Variants in SRF observed in about 807,000 individuals in gnomAD.
SRF encodes serum response factor, also known as c-fos serum response element-binding transcription factor.
SRF carries 7 observed loss-of-function variants against 37.1 expected under a neutral mutation model. The observed-to-expected ratio is 0.19, with a 90% CI of 0.11 to 0.35. The LOEUF (loss-of-function observed/expected upper bound fraction) is 0.35, where lower values mean the gene tolerates loss of function less well. SRF is among the 10% of genes least tolerant of loss of function. SRF has a pLI of 1.00. For synonymous variants in SRF, 285 were observed against 310.1 expected, an observed-to-expected ratio of 0.92 and a Z score of 0.85; for missense variants, 395 against 694.4, an observed-to-expected ratio of 0.57 and a Z score of 4.85.
intron 4 of SRF, among the ~76,000 whole-genome samples, chr6:43,177,651 C>T (rs1772228934): frequency 6.6e-6 from 1 of 151,080 alleles, no homozygotes; most frequent in South Asian, 2.1e-4. Context: ...TGCGGTGGCT[C>T]ACGTCTGTAA....
At position 43,174,740 on chromosome 6, in the gene SRF, C is replaced by G. The variant is rs771607803; in HGVS notation, c.780+627C>G. Among the ~76,000 whole-genome samples, 10 of 152,340 alleles carry G rather than the reference C, an allele frequency of 6.6e-5. No individual in the cohort carries two copies. The East Asian group carries it at 1.5e-3, about 24-fold the overall frequency. ...TAACTGACTGGCCAATGGGAGGAAGCGGCACTGTTTGCCTTAGCAACGCCT... is the reference window on the plus strand; with the variant it reads ...TAACTGACTGGCCAATGGGAGGAAGGGGCACTGTTTGCCTTAGCAACGCCT... On this transcript the variant is annotated intron_variant, in intron 2 of 6. Transcript: ENST00000265354.
chr6:43,171,501 G>A lies in SRF; in HGVS notation c.-156G>A, dbSNP rs1413685595. ...AAAGTGAGGGCCCAGGTCGGCCCGG[G>A]CGTGCAGGGGCCCCGGGTTCGCAGC... On this transcript the variant is annotated 5_prime_UTR_variant, in exon 1 of 7. Transcript: ENST00000265354. The surrounding 1 kb of genome is among the most constrained non-coding windows in gnomAD (Gnocchi z 6.5). The A allele has an allele frequency of 7.6e-6, 6 of 791,170 alleles. No individual in the cohort carries two copies. The highest frequency in any genetic ancestry group is 4.8e-5 in the Admixed American group (1 of 20,956). The allele number at this position is 791,170 out of a possible 1,614,324, so 49.0% of individuals were successfully genotyped here.
Position 43,178,893 on chromosome 6 carries a change from A to T in SRF, c.1431+11A>T, listed in dbSNP as rs766686839. The T allele has an allele frequency of 6.8e-6, 11 of 1,613,732 alleles. No individual in the cohort carries two copies. The highest frequency in any genetic ancestry group is 1.6e-4 in the Middle Eastern group (1 of 6,084). On this transcript the variant is annotated intron_variant, in intron 6 of 6. Transcript: ENST00000265354. This position sits in a 1 kb window ranked among gnomAD's most constrained non-coding sequence, Gnocchi z 4.3. ...GTTCAGCTCCACCAGGTAGGTAGGG[A>T]TATCTTTCACCCCATCCCAGATAGC...
chr6:43,172,390 A>C lies in SRF; in HGVS notation c.513+221A>C. The C allele has an allele frequency of 1.0e-6, 1 of 985,228 alleles. No homozygotes were observed. The highest frequency in any genetic ancestry group is 1.2e-6 in the Non-Finnish European group (1 of 829,872). 61.0% of individuals were successfully genotyped at this position (985,228 alleles called of 1,614,324 possible). ...CCCGCGAACGCTCGCAACCGTGGGG[A>C]AAGGCGCAGAGGTGGGAGTGACCGG... On this transcript the variant is annotated intron_variant, in intron 1 of 6. Transcript: ENST00000265354. This position sits in a 1 kb window ranked among gnomAD's most constrained non-coding sequence, Gnocchi z 5.7.
chr6:43,178,967 C>T lies in SRF; in HGVS notation c.1431+85C>T, dbSNP rs1772254848. ...GGATCCTGTTACCAGTTCATCAAAG[C>T]CAAAATCCCTAGCCTGGAAGCCCAT... On this transcript the variant is annotated intron_variant, in intron 6 of 6. Transcript: ENST00000265354. This position sits in a 1 kb window ranked among gnomAD's most constrained non-coding sequence, Gnocchi z 4.3. The T allele has an allele frequency of 6.4e-7, 1 of 1,571,526 alleles. No individual in the cohort carries two copies. The highest frequency in any genetic ancestry group is 2.2e-5 in the East Asian group (1 of 44,604).
rs1018851094 is a variant in SRF, at chr6:43,172,288, G to T, written c.513+119G>T. 8.9e-6 allele frequency: 13 copies of T among 1,458,892 alleles called. No homozygotes were observed. Among genetic ancestry groups the T allele is most frequent in the African/African-American group, 1.4e-5 (1 of 69,348 alleles). 90.4% of individuals were successfully genotyped at this position (1,458,892 alleles called of 1,614,324 possible). A position where few individuals can be genotyped will look rare whatever the true frequency, so the allele number is the denominator to read the frequency against. On this transcript the variant is annotated intron_variant, in intron 1 of 6. Transcript: ENST00000265354. This position sits in a 1 kb window ranked among gnomAD's most constrained non-coding sequence, Gnocchi z 5.7. ...GAGAGGCTGCGAGTCCGCAGGAGGT[G>T]TGTGGGAGGGGATGGCTCCTGCCCG...
Position 43,179,663 on chromosome 6 carries a change from AG to A in SRF, c.*478del. The stretch of plus-strand genomic sequence containing the variant: ...CAAAAGAGCCCTGGCTCTGCCCCTC[AG>A]GGGGCCAGCTGGGGAGATGGGGGCT... On this transcript the variant is annotated 3_prime_UTR_variant, in exon 7 of 7. Transcript: ENST00000265354. This position sits in a 1 kb window ranked among gnomAD's most constrained non-coding sequence, Gnocchi z 5.3. The A allele has an allele frequency of 5.5e-6, 1 of 183,428 alleles. No individual in the cohort carries two copies. The highest frequency in any genetic ancestry group is 1.2e-5 in the Non-Finnish European group (1 of 85,346). 11.4% of individuals were successfully genotyped at this position (183,428 alleles called of 1,614,324 possible). A position where few individuals can be genotyped will look rare whatever the true frequency, so the allele number is the denominator to read the frequency against.
Position 43,171,477 on chromosome 6 carries a change from A to C in SRF, c.-180A>C. 1.8e-6 allele frequency: 1 copy of C among 544,716 alleles called. No individual in the cohort carries two copies. 33.7% of individuals were successfully genotyped at this position (544,716 alleles called of 1,614,324 possible). A position where few individuals can be genotyped will look rare whatever the true frequency, so the allele number is the denominator to read the frequency against. Reference sequence around the variant, plus strand: ...GGCAACCCGGGCCACAGGGGCAGGAAAGTGAGGGCCCAGGTCGGCCCGGGC... The same window carrying C: ...GGCAACCCGGGCCACAGGGGCAGGACAGTGAGGGCCCAGGTCGGCCCGGGC... On this transcript the variant is annotated 5_prime_UTR_variant, in exon 1 of 7. Coordinates refer to ENST00000265354, the MANE Select transcript of SRF (RefSeq NM_003131.4). The surrounding 1 kb of genome is among the most constrained non-coding windows in gnomAD (Gnocchi z 6.5).
Position 43,173,870 on chromosome 6 carries a change from A to G in SRF, c.537A>G (p.Thr179=), listed in dbSNP as rs1201014214. 2.5e-6 allele frequency: 4 copies of G among 1,614,124 alleles called. No homozygotes were observed. The highest frequency in any genetic ancestry group is 3.4e-6 in the Non-Finnish European group (4 of 1,180,000). The change falls in exon 2 of 7, where the codon ACA becomes ACG. Residue 179 remains threonine (T), a synonymous_variant. Transcript: ENST00000265354. This position sits in a 1 kb window ranked among gnomAD's most constrained non-coding sequence, Gnocchi z 4.2. Reference sequence around the variant, plus strand: ...AGGCCTATGAGCTGTCCACGCTGACAGGGACACAGGTGCTGTTGCTGGTGG... The same window carrying G: ...AGGCCTATGAGCTGTCCACGCTGACGGGGACACAGGTGCTGTTGCTGGTGG... ...MKKAYELSTL[T]GTQVLLLVAS...
In SRF at chr6:43,179,074, C is replaced by T. The variant is rs745990378; in HGVS notation, c.1432-21C>T. On this transcript the variant is annotated intron_variant, in intron 6 of 6. Coordinates refer to ENST00000265354, the MANE Select transcript of SRF (RefSeq NM_003131.4). The surrounding 1 kb of genome is among the most constrained non-coding windows in gnomAD (Gnocchi z 5.3). ...TGGCTGGCCAGTCCCTGCCCCTCCT[C>T]ATACATCCCCTTCCCTCCAGATGGC... 16 of 1,613,408 alleles carry T rather than the reference C, an allele frequency of 9.9e-6. No individual in the cohort carries two copies. The highest frequency in any genetic ancestry group is 9.9e-5 in the South Asian group (9 of 91,046).
chr6:43,171,938 G>C lies in SRF; in HGVS notation c.282G>C (p.Glu94Asp), dbSNP rs1156878859. ...ESGEEEELGA[E>D]RRGLKRSLSE... ...GCGAGGAGGAGGAGCTGGGCGCCGA[G>C]CGGCGCGGCCTGAAGCGGAGCCTGA... Residue 94 changes from glutamate (E) to aspartate (D), a missense_variant, in exon 1 of 7, where the codon GAG becomes GAC. Transcript: ENST00000265354. This position sits in a 1 kb window ranked among gnomAD's most constrained non-coding sequence, Gnocchi z 6.5. 6.8e-7 allele frequency: 1 copy of C among 1,478,596 alleles called. No individual in the cohort carries two copies. Among genetic ancestry groups the C allele is most frequent in the Admixed American group, 2.5e-5 (1 of 40,728 alleles). The allele number at this position is 1,478,596 out of a possible 1,614,324, so 91.6% of individuals were successfully genotyped here. A position where few individuals can be genotyped will look rare whatever the true frequency, so the allele number is the denominator to read the frequency against.
chr6:43,178,628 A>G lies in SRF; in HGVS notation c.1354+143A>G. The G allele has an allele frequency of 7.7e-7, 1 of 1,306,354 alleles. No individual in the cohort carries two copies. The highest frequency in any genetic ancestry group is 2.3e-5 in the East Asian group (1 of 42,816). 80.9% of individuals were successfully genotyped at this position (1,306,354 alleles called of 1,614,324 possible). ...CACAGACTTGGATGCTCACACACAC[A>G]TTTGGACACCCCACTTGGACACTCA... On this transcript the variant is annotated intron_variant, in intron 5 of 6. Coordinates refer to ENST00000265354, the MANE Select transcript of SRF (RefSeq NM_003131.4). The surrounding 1 kb of genome is among the most constrained non-coding windows in gnomAD (Gnocchi z 4.3).
rs753637015 is a variant in SRF, at chr6:43,171,977, C to T, written c.321C>T (p.Ile107=). The change falls in exon 1 of 7, where the codon ATC becomes ATT. Residue 107 remains isoleucine, a synonymous_variant. Transcript: ENST00000265354. This position sits in a 1 kb window ranked among gnomAD's most constrained non-coding sequence, Gnocchi z 6.5. Reference sequence around the variant, plus strand: ...AGCGGAGCCTGAGCGAGATGGAGATCGGTATGGTGGTCGGTGGGCCCGAGG... The same window carrying T: ...AGCGGAGCCTGAGCGAGATGGAGATTGGTATGGTGGTCGGTGGGCCCGAGG... ...GLKRSLSEME[I]GMVVGGPEAS... 2 of 1,542,454 alleles carry T rather than the reference C, an allele frequency of 1.3e-6. No homozygotes were observed. Among genetic ancestry groups the T allele is most frequent in the Non-Finnish European group, 1.7e-6 (2 of 1,145,348 alleles).
Position 43,171,668 on chromosome 6 carries a change from C to G in SRF, c.12C>G (p.Thr4=), listed in dbSNP as rs1447484898. MLP[T]QAGAAAALGR... ...CTGCATCGAGCGCCATGTTACCGAC[C>G]CAAGCTGGGGCCGCGGCGGCTCTGG... The change falls in exon 1 of 7, where the codon ACC becomes ACG. Residue 4 remains threonine, a synonymous_variant. Coordinates refer to ENST00000265354, the MANE Select transcript of SRF (RefSeq NM_003131.4). The surrounding 1 kb of genome is among the most constrained non-coding windows in gnomAD (Gnocchi z 6.5). The G allele has an allele frequency of 4.1e-6, 5 of 1,215,220 alleles. No individual in the cohort carries two copies. The highest frequency in any genetic ancestry group is 5.1e-6 in the Non-Finnish European group (5 of 975,356). The allele number at this position is 1,215,220 out of a possible 1,614,324, so 75.3% of individuals were successfully genotyped here.
rs9395 is a variant in SRF at position 43,181,249 on chromosome 6, G to T, written c.*2059G>T. 1 of 152,760 alleles carries T rather than the reference G, an allele frequency of 6.5e-6. No homozygotes were observed. 9.5% of individuals were successfully genotyped at this position (152,760 alleles called of 1,614,324 possible). A position where few individuals can be genotyped will look rare whatever the true frequency, so the allele number is the denominator to read the frequency against. On this transcript the variant is annotated 3_prime_UTR_variant, in exon 7 of 7. Coordinates refer to ENST00000265354, the MANE Select transcript of SRF (RefSeq NM_003131.4). ...CCTTGGGAGGACATGCGTGTGTCAG[G>T]GATGAGTTGAGGTGATATTTTTATG...
At position 43,174,255 on chromosome 6, in the gene SRF, C is replaced by T. The variant is rs538280896; in HGVS notation, c.780+142C>T. On this transcript the variant is annotated intron_variant, in intron 2 of 6. Coordinates refer to ENST00000265354, the MANE Select transcript of SRF (RefSeq NM_003131.4). ...TCGTCCTAGGGGACAGGTGTCCATCCTCACTTTCCTGATAGAAGACCGCCC... is the reference window on the plus strand; with the variant it reads ...TCGTCCTAGGGGACAGGTGTCCATCTTCACTTTCCTGATAGAAGACCGCCC... The T allele has an allele frequency of 2.0e-5, 23 of 1,140,024 alleles. No individual in the cohort carries two copies. In the African/African-American group the frequency reaches 3.4e-4, roughly 17 times the overall value. 70.6% of individuals were successfully genotyped at this position (1,140,024 alleles called of 1,614,324 possible).
At position 43,171,609 on chromosome 6, in the gene SRF, G is replaced by A; in HGVS notation, c.-48G>A. 1 of 1,185,628 alleles carries A rather than the reference G, an allele frequency of 8.4e-7. No individual in the cohort carries two copies. The highest frequency in any genetic ancestry group is 4.5e-5 in the Admixed American group (1 of 22,092). 73.4% of individuals were successfully genotyped at this position (1,185,628 alleles called of 1,614,324 possible). The stretch of plus-strand genomic sequence containing the variant: ...GAAGCCGATGGCGGCGGCTGCGGCG[G>A]CTCCGATTCCTCGCTGACTGCCCGT... On this transcript the variant is annotated 5_prime_UTR_variant, in exon 1 of 7. Transcript: ENST00000265354. This position sits in a 1 kb window ranked among gnomAD's most constrained non-coding sequence, Gnocchi z 6.5.
rs1772251671 is a variant in SRF at position 43,178,778 on chromosome 6, G to C, written c.1355-28G>C. 1 of 1,611,258 alleles carries C rather than the reference G, an allele frequency of 6.2e-7. No homozygotes were observed. The highest frequency in any genetic ancestry group is 8.5e-7 in the Non-Finnish European group (1 of 1,177,544). On this transcript the variant is annotated intron_variant, in intron 5 of 6. Coordinates refer to ENST00000265354, the MANE Select transcript of SRF (RefSeq NM_003131.4). This position sits in a 1 kb window ranked among gnomAD's most constrained non-coding sequence, Gnocchi z 4.3. ...ATCTGGAAGTTTCAACAAACAATTT[G>C]AGTATCTCCTGTGGTTTTCCAATGT...
rs565785538 is a variant in SRF, at chr6:43,176,845, G to A, written c.1162+178G>A. Among the ~76,000 whole-genome samples the A allele has an allele frequency of 3.9e-5, 6 of 152,234 alleles. No homozygotes were observed. Among genetic ancestry groups the A allele is most frequent in the South Asian group, 2.1e-4 (1 of 4,826 alleles). ...TGAGGATGACTGGGTTTTGAATCCC[G>A]CCCTGCAGTGGGCTGCGGATTCCAG... On this transcript the variant is annotated intron_variant, in intron 4 of 6. Coordinates refer to ENST00000265354, the MANE Select transcript of SRF (RefSeq NM_003131.4). This position sits in a 1 kb window ranked among gnomAD's most constrained non-coding sequence, Gnocchi z 4.0.
Sources: allele counts gnomAD v4.1 joint callset (sites outside exome capture counted in the v4.1 genomes callset), GRCh38; gene constraint gnomAD v4.1.1; non-coding constraint Gnocchi (gnomAD v3.1); transcripts MANE v1.5; gene names NCBI Gene and HGNC (gene_info 2026-07-23, HGNC 2026-07-21).